PARD3B: variants seen among roughly 807,000 people sequenced by gnomAD.
PARD3B encodes par-3 family cell polarity regulator beta.
A neutral mutation model predicts 130.2 loss-of-function variants in PARD3B; 103 were observed. The ratio of observed to expected loss-of-function variants is 0.79; its 90% CI spans 0.67 to 0.93. The LOEUF (loss-of-function observed/expected upper bound fraction) is 0.93, where lower values mean the gene tolerates loss of function less well. Ranked by LOEUF, PARD3B falls within the 40% of genes least tolerant of loss-of-function variation. PARD3B has a pLI of 0.00. For synonymous variants in PARD3B, 583 were observed against 553.2 expected, an observed-to-expected ratio of 1.05 and a Z score of -0.76; for missense variants, 1,609 against 1,499.2, an observed-to-expected ratio of 1.07 and a Z score of -1.21.
intron 2 of PARD3B, among the ~76,000 whole-genome samples, chr2:204,711,554 CT>C (rs1259546777): frequency 1.3e-5 from 2 of 150,016 alleles, no homozygotes; most frequent in African/African-American, 4.9e-5. Context: ...TTTCTTTTTT[CT>C]TTTTTTTTCA....
intron 2 of PARD3B, among the ~76,000 whole-genome samples, chr2:204,783,769 C>A (rs2041919312): frequency 6.6e-6 from 1 of 152,068 alleles, no homozygotes; most frequent in African/African-American, 2.4e-5. Context: ...CAAACCTAAG[C>A]AGCCTGGCTT....
At chr2:204,705,919 G>A (rs541353339) in intron 2 of PARD3B, among the ~76,000 whole-genome samples, 1 of 152,246 alleles carries the variant, frequency 6.6e-6, no homozygotes, top group South Asian at 2.1e-4. Flanking sequence ...CGGTCCTTTA[G>A]TGCTGATCAT....
chr2:205,134,560 T>G (rs1475195059), intron 10 of PARD3B, among the ~76,000 whole-genome samples: 1 of 151,498 alleles, frequency 6.6e-6, no homozygotes, highest in Non-Finnish European at 1.5e-5. Flanking sequence ...AAGTAAGACT[T>G]CCACCTCACT....
Position 205,050,345 on chromosome 2 carries a change from C to T in PARD3B, c.504+2655C>T, listed in dbSNP as rs1699105213. 2.0e-5 allele frequency among the ~76,000 whole-genome samples: 3 copies of T among 151,894 alleles called. No homozygotes were observed. The South Asian group carries it at 6.2e-4, about 32-fold the overall frequency. On this transcript the variant is annotated intron_variant, in intron 4 of 22. Coordinates refer to ENST00000406610, the MANE Select transcript of PARD3B (RefSeq NM_001302769.2). ...CAGATAGTTTAACTTCCCTATTATG[C>T]AAACATTAATAAAGACACTTAGGTG...
intron 2 of PARD3B, among the ~76,000 whole-genome samples, chr2:204,707,691 T>C (rs1199661531): frequency 6.6e-6 from 1 of 152,182 alleles, no homozygotes; most frequent in Non-Finnish European, 1.5e-5. Flanking sequence ...AATATTGTTG[T>C]GGAAATTCTG....
In PARD3B at chr2:205,300,611, A is replaced by T. The variant is rs1161394973; in HGVS notation, c.2267A>T (p.Glu756Val). The change falls in exon 17 of 23, where the codon GAG becomes GTG. Residue 756 changes from glutamate to valine, a missense_variant. Coordinates refer to ENST00000406610, the MANE Select transcript of PARD3B (RefSeq NM_001302769.2). This position sits in a 1 kb window ranked among gnomAD's most constrained non-coding sequence, Gnocchi z 4.1. ...SLESLQTAVA[E>V]VRKNDLPFHR... ...GAGAGTCTGCAGACTGCAGTGGCCG[A>T]GGTCAGGAAGAATGACCTTCCCTTT... The T allele has an allele frequency of 6.2e-7, 1 of 1,613,954 alleles. No individual in the cohort carries two copies. Among genetic ancestry groups the T allele is most frequent in the Admixed American group, 1.7e-5 (1 of 60,030 alleles).
chr2:205,324,280 A>G (rs910271462), intron 18 of PARD3B, among the ~76,000 whole-genome samples: 1 of 152,214 alleles, frequency 6.6e-6, no homozygotes, highest in Non-Finnish European at 1.5e-5. Context: ...ATATAAGTGT[A>G]CTTGAAGTAA....
At chr2:205,553,641 A>G (rs2052748320) in intron 22 of PARD3B, among the ~76,000 whole-genome samples, 1 of 152,212 alleles carries the variant, frequency 6.6e-6, no homozygotes, top group Non-Finnish European at 1.5e-5. Flanking sequence ...CAGCAAGAAC[A>G]TTGGATACTA....
intron 19 of PARD3B, among the ~76,000 whole-genome samples, chr2:205,430,998 A>T (rs935602972): frequency 6.6e-6 from 1 of 152,224 alleles, no homozygotes; most frequent in African/African-American, 2.4e-5. Flanking sequence ...CTTTGGAAGT[A>T]TGTAGGGGGA....
chr2:205,237,642 C>G (rs934516692), intron 15 of PARD3B, among the ~76,000 whole-genome samples: 1 of 151,902 alleles, frequency 6.6e-6, no homozygotes, highest in Non-Finnish European at 1.5e-5. Flanking sequence ...ACAGAGGGAA[C>G]TGGTATTTCA....
intron 18 of PARD3B, among the ~76,000 whole-genome samples, chr2:205,393,240 A>G (rs1411958846): frequency 6.6e-6 from 1 of 152,218 alleles, no homozygotes; most frequent in Admixed American, 6.5e-5. Context: ...CTATGGAAAT[A>G]ATAGTAAAGG....
At chr2:205,582,541 G>GT (rs78003350) in intron 22 of PARD3B, among the ~76,000 whole-genome samples, 35,398 of 152,110 alleles carry the variant, frequency 0.23, 4,434 homozygotes, top group Non-Finnish European at 0.29. Context: ...CACTCTCCAT[G>GT]TTGATGACTT....
At position 204,662,133 on chromosome 2, in the gene PARD3B, A is replaced by G. The variant is rs536407492; in HGVS notation, c.121-24048A>G. Among the ~76,000 whole-genome samples the G allele has an allele frequency of 1.3e-4, 20 of 152,338 alleles. 1 individual carries two copies. Among genetic ancestry groups the G allele is most frequent in the African/African-American group, 4.8e-4 (20 of 41,586 alleles). ...ACTGTTATCCACACGTGATTTTGTA[A>G]CATCATACATTTGTCCCTTGGAAAA... On this transcript the variant is annotated intron_variant, in intron 1 of 22. Transcript: ENST00000406610.
At chr2:205,494,168 G>A (rs1389567470) in intron 20 of PARD3B, among the ~76,000 whole-genome samples, 2 of 152,158 alleles carry the variant, frequency 1.3e-5, no homozygotes, top group Admixed American at 1.3e-4. Context: ...CAAATGAAGA[G>A]CTACATCTTG....
intron 4 of PARD3B, 163 bp downstream of exon 4, chr2:205,047,853 A>G (rs530529919): frequency 1.7e-5 from 9 of 520,600 alleles, no homozygotes; most frequent in South Asian, 1.5e-4. Context: ...TATTACTTGT[A>G]TATAGTTATA....
chr2:205,056,026 G>C (rs1280661447), intron 4 of PARD3B, among the ~76,000 whole-genome samples: 1 of 152,028 alleles, frequency 6.6e-6, no homozygotes, highest in Non-Finnish European at 1.5e-5. Context: ...GTCTTCCATA[G>C]GTTCTGAACT....
chr2:204,770,541 T>G (rs2041320913), intron 2 of PARD3B, among the ~76,000 whole-genome samples: 1 of 152,070 alleles, frequency 6.6e-6, no homozygotes, highest in African/African-American at 2.4e-5. Context: ...GAGCTGAGTT[T>G]CTTGTATTTT....
In PARD3B at chr2:205,121,752, A is replaced by G. The variant is rs779583050; in HGVS notation, c.968A>G (p.His323Arg). ...VLKTKVPPPV[H>R]GKSGLKTANL... ...AAAACCAAAGTGCCGCCTCCTGTCCATGGAAAATCGGGACTAAAGACAGCA... is the reference window on the plus strand; with the variant it reads ...AAAACCAAAGTGCCGCCTCCTGTCCGTGGAAAATCGGGACTAAAGACAGCA... The change falls in exon 8 of 23, where the codon CAT (histidine) becomes CGT (arginine). Residue 323 changes from histidine (H) to arginine (R), a missense_variant. Physicochemically the swap from His to Arg is conservative, Grantham distance 29. Transcript: ENST00000406610. This position sits in a 1 kb window ranked among gnomAD's most constrained non-coding sequence, Gnocchi z 5.0. 11 of 1,614,012 alleles carry G rather than the reference A, an allele frequency of 6.8e-6. No individual in the cohort carries two copies. In the East Asian group the frequency reaches 8.9e-5, roughly 13 times the overall value.
chr2:205,193,672 C>T (rs1321158178), intron 15 of PARD3B, among the ~76,000 whole-genome samples: 1 of 152,230 alleles, frequency 6.6e-6, no homozygotes, highest in Non-Finnish European at 1.5e-5. Flanking sequence ...GGCATTTCCA[C>T]TCTGTGCGGG....
Sources: gnomAD v4.1 joint callset for allele counts (sites outside exome capture counted in the v4.1 genomes callset) on GRCh38, gnomAD v4.1.1 for gene constraint, Gnocchi (gnomAD v3.1) non-coding constraint, MANE v1.5 for transcripts, NCBI Gene and HGNC (gene_info 2026-07-23, HGNC 2026-07-21) for gene names.